VPS13B: variants seen among roughly 807,000 people sequenced by gnomAD.
VPS13B encodes intermembrane lipid transfer protein VPS13B.
In VPS13B, 285 loss-of-function variants were observed where a neutral mutation model predicts 426.4. The ratio of observed to expected loss-of-function variants is 0.67; its 90% confidence interval spans 0.61 to 0.74. The LOEUF (loss-of-function observed/expected upper bound fraction) is 0.74. VPS13B is among the 30% of genes least tolerant of loss of function. The pLI is 0.00. For synonymous variants in VPS13B, 1,676 were observed against 1,676.4 expected, an observed-to-expected ratio of 1.00 and a Z score of 0.01; for missense variants, 4,537 against 4,782.6, an observed-to-expected ratio of 0.95 and a Z score of 1.51.
At chr8:99,565,932 C>T (rs901252949) in intron 31 of VPS13B, among the ~76,000 whole-genome samples, 2 of 152,108 alleles carry the variant, frequency 1.3e-5, no homozygotes, top group Non-Finnish European at 2.9e-5. Context: ...TTGACCTAAA[C>T]CTACTTGAAT....
In VPS13B at chr8:99,360,214, CTT is replaced by C. The variant is rs1563687283; in HGVS notation, c.2825-23992_2825-23991del. Reference sequence around the variant, plus strand: ...TCTCTCTCTCTCTCTCTCTCTCTTTCTTTCTTTCTTTCTTTCTTTCTCTCTCT... The same window carrying C: ...TCTCTCTCTCTCTCTCTCTCTCTTTCTCTTTCTTTCTTTCTTTCTCTCTCT... On this transcript the variant is annotated intron_variant, in intron 19 of 61. Coordinates refer to ENST00000357162, the MANE Select transcript of VPS13B (RefSeq NM_152564.5). 6.4e-3 allele frequency among the ~76,000 whole-genome samples: 122 copies of C among 18,932 alleles called. 3 individuals carry two copies. Among genetic ancestry groups the C allele is most frequent in the South Asian group, 0.018 (7 of 386 alleles). The allele number at this position is 18,932 out of a possible 152,430, so 12.4% of individuals were successfully genotyped here. A position where few individuals can be genotyped will look rare whatever the true frequency, so the allele number is the denominator to read the frequency against.
At chr8:99,139,775 CA>C (rs1031874065) in intron 12 of VPS13B, among the ~76,000 whole-genome samples, 19 of 151,122 alleles carry the variant, frequency 1.3e-4, no homozygotes, top group Admixed American at 1.3e-3. Context: ...TTACCTGAAA[CA>C]AGAAATTTGT....
intron 39 of VPS13B, among the ~76,000 whole-genome samples, chr8:99,763,502 A>G (rs1447862460): frequency 2.0e-5 from 3 of 152,222 alleles, no homozygotes; most frequent in African/African-American, 7.2e-5. Context: ...CATGAAGTAT[A>G]TAGTGATAAG....
chr8:99,087,185 C>G (rs1187582782), intron 3 of VPS13B, among the ~76,000 whole-genome samples: 1 of 152,158 alleles, frequency 6.6e-6, no homozygotes, highest in Non-Finnish European at 1.5e-5. Context: ...CCTCGCTGCC[C>G]CCTTGCAGTT....
chr8:99,803,759 G>A lies in VPS13B; in HGVS notation c.7942-5616G>A, dbSNP rs193126355. On this transcript the variant is annotated intron_variant, in intron 43 of 61. Transcript: ENST00000357162. ...CATATTTCATTTTTATGCTAATTTAGTAGTGTGGAATGTACTATCAGTTCC... is the reference window on the plus strand; with the variant it reads ...CATATTTCATTTTTATGCTAATTTAATAGTGTGGAATGTACTATCAGTTCC... Among the ~76,000 whole-genome samples the A allele has an allele frequency of 3.7e-3, 557 of 152,246 alleles. 2 individuals carry two copies. The highest frequency in any genetic ancestry group is 4.9e-3 in the Non-Finnish European group (334 of 68,018).
intron 35 of VPS13B, chr8:99,697,699 G>T: frequency 3.1e-6 from 2 of 637,300 alleles, no homozygotes; most frequent in Non-Finnish European, 5.9e-6. Flanking sequence ...CTCACACCTG[G>T]AGATGGACCA....
At chr8:99,130,751 T>A (rs1437483280) in intron 8 of VPS13B, among the ~76,000 whole-genome samples, 1 of 152,122 alleles carries the variant, frequency 6.6e-6, no homozygotes, top group African/African-American at 2.4e-5. Context: ...GGGATCAATT[T>A]AAAAAAATTC....
chr8:99,679,791 C>T (rs1032300156), intron 35 of VPS13B, among the ~76,000 whole-genome samples: 2 of 152,204 alleles, frequency 1.3e-5, no homozygotes, highest in African/African-American at 4.8e-5. Context: ...CCTGTGAATA[C>T]TCCGTCTCCC....
chr8:99,604,750 A>G (rs1201652304), intron 33 of VPS13B, among the ~76,000 whole-genome samples: 1 of 151,986 alleles, frequency 6.6e-6, no homozygotes, highest in Non-Finnish European at 1.5e-5. Flanking sequence ...TCGGCCCCCC[A>G]AAGTGCTGGG....
intron 29 of VPS13B, among the ~76,000 whole-genome samples, chr8:99,515,917 T>C (rs1440257899): frequency 6.6e-6 from 1 of 152,174 alleles, no homozygotes; most frequent in Non-Finnish European, 1.5e-5. Flanking sequence ...TTAATACATT[T>C]TTTGTGTATT....
chr8:99,649,746 C>T (rs1056816976), intron 34 of VPS13B, among the ~76,000 whole-genome samples: 3 of 152,110 alleles, frequency 2.0e-5, no homozygotes, highest in Admixed American at 2.0e-4. Context: ...ATTTCCCCTA[C>T]ACTCTTAAAA....
intron 29 of VPS13B, among the ~76,000 whole-genome samples, chr8:99,519,250 A>G (rs1380003177): frequency 6.6e-6 from 1 of 152,196 alleles, no homozygotes; most frequent in Non-Finnish European, 1.5e-5. Flanking sequence ...AACTGCAATG[A>G]GATACCATCT....
intron 25 of VPS13B, among the ~76,000 whole-genome samples, chr8:99,497,958 T>C (rs1457327379): frequency 2.0e-5 from 3 of 152,156 alleles, no homozygotes; most frequent in Non-Finnish European, 4.4e-5. Context: ...TATCATCTTA[T>C]TTGAATATCT....
intron 21 of VPS13B, among the ~76,000 whole-genome samples, chr8:99,423,257 G>A (rs1816478813): frequency 1.3e-5 from 2 of 151,508 alleles, no homozygotes; most frequent in African/African-American, 2.4e-5. Flanking sequence ...GAAAAAGTAT[G>A]TGTGAATTTT....
chr8:99,358,767 T>C (rs1812332240), intron 19 of VPS13B, among the ~76,000 whole-genome samples: 1 of 152,172 alleles, frequency 6.6e-6, no homozygotes, highest in Non-Finnish European at 1.5e-5. Context: ...CTTTTACCTT[T>C]AGTGCCCTGC....
chr8:99,500,004 T>G (rs1821139812), intron 25 of VPS13B, among the ~76,000 whole-genome samples: 2 of 152,280 alleles, frequency 1.3e-5, no homozygotes, highest in South Asian at 4.1e-4. Context: ...ATGTAGGAGC[T>G]GAATATACCT....
At position 99,143,037 on chromosome 8, in the gene VPS13B, A is replaced by G; in HGVS notation, c.1715A>G (p.Lys572Arg). The part of the protein sequence containing the change: ...KSEDLGTVQE[K>R]STKSLVIGPL... ...GAAGATTTGGGAACAGTTCAGGAGAAGTCCACCAAAAGCCTTGTTATAGGT... is the reference window on the plus strand; with the variant it reads ...GAAGATTTGGGAACAGTTCAGGAGAGGTCCACCAAAAGCCTTGTTATAGGT... Residue 572 changes from lysine to arginine, a missense_variant, in exon 13 of 62, where the codon AAG (lysine) becomes AGG (arginine). This residue lies in a region of VPS13B where 4,311 missense variants were observed against 4,474.3 expected (regional missense o/e 0.96). Coordinates refer to ENST00000357162, the MANE Select transcript of VPS13B (RefSeq NM_152564.5). 6.2e-7 allele frequency: 1 copy of G among 1,614,054 alleles called. No individual in the cohort carries two copies. Among genetic ancestry groups the G allele is most frequent in the Non-Finnish European group, 8.5e-7 (1 of 1,179,944 alleles).
chr8:99,402,674 A>C (rs2133338940), intron 21 of VPS13B, among the ~76,000 whole-genome samples: 1 of 152,310 alleles, frequency 6.6e-6, no homozygotes, highest in Non-Finnish European at 1.5e-5. Flanking sequence ...AAAAATCAAT[A>C]GCATCTTCAA....
intron 39 of VPS13B, among the ~76,000 whole-genome samples, chr8:99,736,964 G>A (rs1833858217): frequency 6.6e-6 from 1 of 152,044 alleles, no homozygotes. Context: ...TTGGTAAATA[G>A]CAAAGCTGAG....
Sources: allele counts gnomAD v4.1 joint callset (sites outside exome capture counted in the v4.1 genomes callset), GRCh38; gene constraint gnomAD v4.1.1; regional missense constraint gnomAD v4.1.1; transcripts MANE v1.5; gene names NCBI Gene and HGNC (gene_info 2026-07-23, HGNC 2026-07-21).